The following CFAP61 variants were observed in gnomAD, a reference collection of about 807,000 sequenced individuals.
CFAP61 encodes cilia- and flagella-associated protein 61.
A neutral mutation model predicts 135.6 loss-of-function variants in CFAP61; 107 were observed. That is an observed-to-expected ratio of 0.79 (90% confidence interval 0.67 to 0.93). The LOEUF (loss-of-function observed/expected upper bound fraction) is 0.93. CFAP61 is among the 40% of genes least tolerant of loss of function. The pLI is 0.00. For synonymous variants in CFAP61, 575 were observed against 578.5 expected (o/e 0.99, Z 0.09); for missense variants, 1,507 against 1,556.2 (o/e 0.97, Z 0.53).
At chr20:20,346,027 G>C (rs1320334117) in intron 26 of CFAP61, among the ~76,000 whole-genome samples, 4 of 137,622 alleles carry the variant, frequency 2.9e-5, no homozygotes, top group African/African-American at 1.0e-4. Context: ...TCAGCCTCCC[G>C]AGTAGCTGGG....
Position 20,217,806 on chromosome 20 carries a change from C to T in CFAP61, c.1933-10443C>T, listed in dbSNP as rs189193539. On this transcript the variant is annotated intron_variant, in intron 17 of 26. Transcript: ENST00000245957. ...CCTTTTGTCCCAACTCCTTCTCCTC[C>T]CTTTGTGTCTCCCTCTGTGTCTGCT... is the stretch of plus-strand genomic sequence containing the variant. Among the ~76,000 whole-genome samples, 34 of 152,318 alleles carry T rather than the reference C, an allele frequency of 2.2e-4. No homozygotes were observed. The East Asian group carries it at 6.4e-3, about 29-fold the overall frequency.
At chr20:20,106,886 T>C (rs1216832361) in intron 8 of CFAP61, among the ~76,000 whole-genome samples, 2 of 152,234 alleles carry the variant, frequency 1.3e-5, no homozygotes, top group Admixed American at 1.3e-4. Flanking sequence ...ATAATGTTGA[T>C]ATGCCACTTG....
rs190498724 is a variant in CFAP61 at position 20,222,399 on chromosome 20, T to C, written c.1933-5850T>C. On this transcript the variant is annotated intron_variant, in intron 17 of 26. Coordinates refer to ENST00000245957, the MANE Select transcript of CFAP61 (RefSeq NM_015585.4). ...CACTCTTTGACCCCTGCTACATGAT[T>C]TTGAGTATGCTCTATCCAGTGTTAA... Among the ~76,000 whole-genome samples the C allele has an allele frequency of 5.9e-5, 9 of 152,306 alleles. No individual in the cohort carries two copies. The East Asian group carries it at 1.2e-3, about 20-fold the overall frequency.
chr20:20,114,795 C>G (rs1466533528), intron 8 of CFAP61, among the ~76,000 whole-genome samples: 3 of 152,004 alleles, frequency 2.0e-5, no homozygotes, highest in Admixed American at 6.6e-5. Context: ...AACAGGCATC[C>G]TTTTGTTGAT....
rs1347698803 is a variant in CFAP61 at position 20,270,892 on chromosome 20, A to C, written c.2504-6274A>C. Among the ~76,000 whole-genome samples the C allele has an allele frequency of 4.6e-5, 7 of 152,270 alleles. No homozygotes were observed. The East Asian group carries it at 1.4e-3, about 29-fold the overall frequency. ...TCACCATTTTGGTCAGGCTGGTTTC[A>C]AACTCCTGACCTCAAGTGATCTGCC... On this transcript the variant is annotated intron_variant, in intron 21 of 26. Transcript: ENST00000245957.
chr20:20,207,193 A>T (rs770446653), intron 17 of CFAP61, among the ~76,000 whole-genome samples: 1 of 152,216 alleles, frequency 6.6e-6, no homozygotes, highest in Non-Finnish European at 1.5e-5. Context: ...AGCAAACAAG[A>T]TGCCCATCCA....
chr20:20,339,939 G>A (rs543128304), intron 25 of CFAP61, among the ~76,000 whole-genome samples: 1 of 152,362 alleles, frequency 6.6e-6, no homozygotes, highest in African/African-American at 2.4e-5. Flanking sequence ...TGCTGCTGCT[G>A]TAGGATGATT....
At chr20:20,152,692 AC>A (rs140959381) in intron 9 of CFAP61, among the ~76,000 whole-genome samples, 13,504 of 152,246 alleles carry the variant, frequency 0.089, 748 homozygotes, top group Middle Eastern at 0.15. Context: ...ATATATATGC[AC>A]CTAACATGGT....
intron 9 of CFAP61, among the ~76,000 whole-genome samples, chr20:20,148,657 T>G (rs2052121776): frequency 6.6e-6 from 1 of 152,226 alleles, no homozygotes. Flanking sequence ...CTGAATTTGC[T>G]TATCAGATCT....
intron 17 of CFAP61, among the ~76,000 whole-genome samples, chr20:20,217,157 C>A (rs2048094682): frequency 6.6e-6 from 1 of 152,208 alleles, no homozygotes; most frequent in African/African-American, 2.4e-5. Flanking sequence ...TTCAGAAAGG[C>A]TTATTCTTTC....
At chr20:20,355,122 CTG>C (rs1225179177) in intron 26 of CFAP61, among the ~76,000 whole-genome samples, 25 of 82,434 alleles carry the variant, frequency 3.0e-4, no homozygotes, top group South Asian at 4.0e-4. Context: ...GGTGGTCACA[CTG>C]TGAGGGGAGG....
chr20:20,328,158 T>C (rs2057837995), intron 25 of CFAP61, among the ~76,000 whole-genome samples: 2 of 152,214 alleles, frequency 1.3e-5, no homozygotes, highest in Middle Eastern at 3.2e-3. Context: ...TCAGAAGAGC[T>C]GGATCATGTA....
At chr20:20,052,710 G>T in intron 1 of CFAP61, 119 bp downstream of exon 1, 3 of 1,609,562 alleles carry the variant, frequency 1.9e-6, no homozygotes, top group Non-Finnish European at 2.5e-6. Flanking sequence ...TGGCTCTGTC[G>T]AGCCGTGGCG....
chr20:20,291,415 C>A (rs897264738), intron 24 of CFAP61, among the ~76,000 whole-genome samples: 2 of 152,204 alleles, frequency 1.3e-5, no homozygotes, highest in South Asian at 4.1e-4. Context: ...AGTCATACAG[C>A]CTATCGTCTT....
chr20:20,155,057 G>A (rs1016280852), intron 9 of CFAP61, among the ~76,000 whole-genome samples: 2 of 152,028 alleles, frequency 1.3e-5, no homozygotes. Context: ...AAAAAGCATG[G>A]TACTGGTATA....
At chr20:20,118,251 A>ATCTTTCTTTCTTTCTT (rs1555872813) in intron 8 of CFAP61, among the ~76,000 whole-genome samples, 6 of 113,676 alleles carry the variant, frequency 5.3e-5, no homozygotes, top group Non-Finnish European at 1.1e-4. Flanking sequence ...ATTTTGAGGT[A>ATCTTTCTTTCTTTCTT]TGTTTCTTTC....
intron 13 of CFAP61, chr20:20,171,755 C>G (rs908203446): frequency 1.4e-6 from 1 of 692,072 alleles, no homozygotes; most frequent in East Asian, 2.8e-5. Flanking sequence ...ATTTATAATC[C>G]TTTGTGTTTT....
intron 18 of CFAP61, among the ~76,000 whole-genome samples, chr20:20,231,203 G>A (rs996830517): frequency 6.6e-6 from 1 of 152,082 alleles, no homozygotes; most frequent in African/African-American, 2.4e-5. Flanking sequence ...ATACTGTGGT[G>A]GTGTTCTGAC....
At chr20:20,178,687 C>A (rs1367160130) in intron 13 of CFAP61, among the ~76,000 whole-genome samples, 1 of 151,514 alleles carries the variant, frequency 6.6e-6, no homozygotes, top group African/African-American at 2.4e-5. Context: ...CTCCCCCCCA[C>A]CATTTCTGTT....
Sources: allele counts gnomAD v4.1 joint callset (sites outside exome capture counted in the v4.1 genomes callset), GRCh38; gene constraint gnomAD v4.1.1; transcripts MANE v1.5; gene names NCBI Gene and HGNC (gene_info 2026-07-23, HGNC 2026-07-21).